KSR2: variants seen among roughly 807,000 people sequenced by gnomAD.
The protein encoded by KSR2 is kinase suppressor of ras 2.
A neutral mutation model predicts 107.8 loss-of-function variants in KSR2; 25 were observed. That is an observed-to-expected ratio of 0.23 (90% CI 0.17 to 0.32). The LOEUF (loss-of-function observed/expected upper bound fraction) is 0.32, where lower values mean the gene tolerates loss of function less well. KSR2 is among the 10% of genes least tolerant of loss of function. KSR2 has a pLI of 1.00. For missense variants in KSR2, 887 were observed against 1,268.9 expected, an observed-to-expected ratio of 0.70 and a Z score of 4.57; for synonymous variants, 480 against 507.0, an observed-to-expected ratio of 0.95 and a Z score of 0.71.
intron 5 of KSR2, among the ~76,000 whole-genome samples, chr12:117,657,058 C>A (rs936077920): frequency 1.4e-5 from 2 of 140,944 alleles, no homozygotes; most frequent in Admixed American, 7.3e-5. Context: ...ACTAATACTG[C>A]GAAACTCTCC....
Position 117,600,567 on chromosome 12 carries a change from A to T in KSR2, c.1172-18208T>A, listed in dbSNP as rs140615249. Among the ~76,000 whole-genome samples the T allele has an allele frequency of 8.5e-4, 129 of 152,312 alleles. No homozygotes were observed. The East Asian group carries it at 0.022, about 26-fold the overall frequency. ...CGCTTATGTACAAAACAAAGGCAGG[A>T]TTGATGAACTCCTAAAGAAGCACAT... On this transcript the variant is annotated intron_variant, in intron 5 of 19. Coordinates refer to ENST00000339824, the MANE Select transcript of KSR2 (RefSeq NM_173598.6).
chr12:117,683,193 A>T (rs1275568532), intron 4 of KSR2, among the ~76,000 whole-genome samples: 33 of 152,146 alleles, frequency 2.2e-4, no homozygotes, highest in Non-Finnish European at 8.8e-5. Flanking sequence ...TTTTAGTTAT[A>T]TAGTAGTCAT....
chr12:117,739,093 C>T (rs993937151), intron 4 of KSR2, among the ~76,000 whole-genome samples: 12 of 152,112 alleles, frequency 7.9e-5, no homozygotes, highest in Non-Finnish European at 1.3e-4. Context: ...CAGCGGCTCA[C>T]GCCTGTAATC....
chr12:117,761,793 TATC>T (rs1889039873), intron 3 of KSR2, among the ~76,000 whole-genome samples: 1 of 152,068 alleles, frequency 6.6e-6, no homozygotes, highest in Admixed American at 6.5e-5. Flanking sequence ...ATGCACATCA[TATC>T]ATATGCATGT....
chr12:117,530,662 C>T (rs1408339779), intron 12 of KSR2, among the ~76,000 whole-genome samples: 1 of 152,086 alleles, frequency 6.6e-6, no homozygotes, highest in Non-Finnish European at 1.5e-5. Flanking sequence ...CGGTCCAGCC[C>T]CTGGAAATTG....
At chr12:117,541,651 G>T (rs907105442) in intron 9 of KSR2, among the ~76,000 whole-genome samples, 2 of 152,088 alleles carry the variant, frequency 1.3e-5, no homozygotes, top group Non-Finnish European at 2.9e-5. Flanking sequence ...AGATGGTATA[G>T]TGTGGTCAAC....
intron 3 of KSR2, among the ~76,000 whole-genome samples, chr12:117,827,068 G>A (rs1277628098): frequency 6.6e-6 from 1 of 150,798 alleles, no homozygotes; most frequent in Non-Finnish European, 1.5e-5. Flanking sequence ...AATCATCGTG[G>A]GCAGTAGCTC....
intron 7 of KSR2, among the ~76,000 whole-genome samples, chr12:117,565,258 C>T (rs7309935): frequency 0.038 from 5,843 of 152,282 alleles, 362 homozygotes; most frequent in African/African-American, 0.13. Context: ...TTGCTCCGAT[C>T]AGCTTCGATC....
chr12:117,813,786 G>A (rs1891280255), intron 3 of KSR2, among the ~76,000 whole-genome samples: 1 of 152,072 alleles, frequency 6.6e-6, no homozygotes, highest in African/African-American at 2.4e-5. Flanking sequence ...TTTATCCAAA[G>A]GAAAAGAAAC....
chr12:117,768,174 C>T (rs1464116188), intron 3 of KSR2, among the ~76,000 whole-genome samples: 2 of 152,164 alleles, frequency 1.3e-5, no homozygotes, highest in Non-Finnish European at 2.9e-5. Context: ...AGGCTTGGAC[C>T]CCAAACTCCT....
rs1887780446 is a variant in KSR2, at chr12:117,732,690, T to TAG, written c.986+28319_986+28320dup. 1.3e-5 allele frequency among the ~76,000 whole-genome samples: 2 copies of TAG among 152,146 alleles called. 1 individual carries two copies. Among genetic ancestry groups the TAG allele is most frequent in the African/African-American group, 4.8e-5 (2 of 41,400 alleles). On this transcript the variant is annotated intron_variant, in intron 4 of 19. Coordinates refer to ENST00000339824, the MANE Select transcript of KSR2 (RefSeq NM_173598.6). Reference sequence around the variant, plus strand: ...TGGAAGGAGGCCTCAGCTGGAGGCCTAGAGAGTTGTTAATATTTTTCTTCT... The same window carrying TAG: ...TGGAAGGAGGCCTCAGCTGGAGGCCTAGAGAGAGTTGTTAATATTTTTCTTCT...
At chr12:117,910,389 T>C (rs1461346705) in intron 1 of KSR2, among the ~76,000 whole-genome samples, 1 of 152,032 alleles carries the variant, frequency 6.6e-6, no homozygotes, top group African/African-American at 2.4e-5. Context: ...CACAGACTGG[T>C]TGTGAGGTTC....
intron 7 of KSR2, among the ~76,000 whole-genome samples, chr12:117,566,241 T>C (rs1012976175): frequency 5.3e-5 from 8 of 152,158 alleles, no homozygotes; most frequent in African/African-American, 1.9e-4. Context: ...TGCCTCAGCC[T>C]CCTGAGTAGC....
rs1001561578 is a variant in KSR2, at chr12:117,842,865, G to C, written c.472+12563C>G. On this transcript the variant is annotated intron_variant, in intron 3 of 19. Transcript: ENST00000339824. The surrounding 1 kb of genome is among the most constrained non-coding windows in gnomAD (Gnocchi z 4.2). ...AGCCTTGGACCAGGTTGCTCGACAG[G>C]GGTTCTGCTGCAAGACAAAGGCTGG... is the stretch of plus-strand genomic sequence containing the variant. Among the ~76,000 whole-genome samples, 1 of 152,118 alleles carries C rather than the reference G, an allele frequency of 6.6e-6. No homozygotes were observed. Among genetic ancestry groups the C allele is most frequent in the Non-Finnish European group, 1.5e-5 (1 of 68,022 alleles).
intron 4 of KSR2, among the ~76,000 whole-genome samples, chr12:117,747,714 T>C (rs985334184): frequency 1.3e-5 from 2 of 152,160 alleles, no homozygotes; most frequent in African/African-American, 4.8e-5. Flanking sequence ...CTCAACATCA[T>C]TAATCATCGA....
At chr12:117,643,934 T>A (rs751528343) in intron 5 of KSR2, among the ~76,000 whole-genome samples, 28 of 152,212 alleles carry the variant, frequency 1.8e-4, no homozygotes, top group Non-Finnish European at 3.7e-4. Flanking sequence ...GTTGAATGAA[T>A]GAATGAATGA....
At chr12:117,698,035 C>T (rs903370965) in intron 4 of KSR2, among the ~76,000 whole-genome samples, 7 of 151,904 alleles carry the variant, frequency 4.6e-5, no homozygotes, top group Non-Finnish European at 8.8e-5. Context: ...TTCTAGAGGC[C>T]GAAGAACACC....
At chr12:117,850,595 C>T (rs543192578) in intron 3 of KSR2, among the ~76,000 whole-genome samples, 153 of 152,208 alleles carry the variant, frequency 1.0e-3, no homozygotes, top group African/African-American at 3.4e-3. Context: ...ATTGCTTGAG[C>T]TCAGGAGTTC....
intron 4 of KSR2, among the ~76,000 whole-genome samples, chr12:117,706,829 A>G (rs1325403103): frequency 1.3e-5 from 2 of 152,242 alleles, no homozygotes; most frequent in African/African-American, 4.8e-5. Flanking sequence ...CATACTGTCT[A>G]TAACAATAAA....
Sources: gnomAD v4.1 joint callset for allele counts (sites outside exome capture counted in the v4.1 genomes callset) on GRCh38, gnomAD v4.1.1 for gene constraint, Gnocchi (gnomAD v3.1) non-coding constraint, MANE v1.5 for transcripts, NCBI Gene and HGNC (gene_info 2026-07-23, HGNC 2026-07-21) for gene names.